CLN5: variants seen among roughly 807,000 people sequenced by gnomAD.
CLN5 encodes the protein bis(monoacylglycero)phosphate synthase CLN5.
In CLN5, 34 loss-of-function variants were observed where a neutral mutation model predicts 36.7. The observed-to-expected ratio is 0.93, with a 90% CI of 0.71 to 1.23. The LOEUF is 1.23. Among genes scored for constraint, CLN5 ranks in the 50% most tolerant of loss-of-function variants. The pLI is 0.00. For synonymous variants in CLN5, 151 were observed against 155.1 expected (o/e 0.97, Z 0.20); for missense variants, 427 against 439.4 (o/e 0.97, Z 0.25).
At chr13:76,993,763 G>A (rs1201592490) in intron 1 of CLN5, 3 of 152,160 alleles carry the variant, frequency 2.0e-5, no homozygotes, top group African/African-American at 2.4e-5. Flanking sequence ...TGGGAGCGTC[G>A]TTAATAGTTT....
At chr13:76,994,963 C>T in intron 1 of CLN5, 100 bp from the exon 2 acceptor site, 1 of 1,070,690 alleles carries the variant, frequency 9.3e-7, no homozygotes, top group South Asian at 1.4e-5. Context: ...ATGGTCCGAC[C>T]TTTGAATGGT....
At position 77,001,425 on chromosome 13, in the gene CLN5, T is replaced by G. The variant is rs1362123030; in HGVS notation, c.*456T>G. The G allele has an allele frequency of 3.2e-5, 5 of 158,270 alleles. No homozygotes were observed. The highest frequency in any genetic ancestry group is 4.8e-5 in the African/African-American group (2 of 41,496). 9.8% of individuals were successfully genotyped at this position (158,270 alleles called of 1,614,324 possible). A position where few individuals can be genotyped will look rare whatever the true frequency, so the allele number is the denominator to read the frequency against. On this transcript the variant is annotated 3_prime_UTR_variant, in exon 4 of 4. Coordinates refer to ENST00000377453, the MANE Select transcript of CLN5 (RefSeq NM_006493.4). ...AGACTAACTTTACAACTTCTATAAC[T>G]TTTGGAACCAAGTTTAGTATAGTCT...
At position 76,996,128 on chromosome 13, in the gene CLN5, G is replaced by A. The variant is rs1555274014; in HGVS notation, c.565+1G>A. On this transcript the variant is annotated splice_donor_variant, in intron 3 of 3. Coordinates refer to ENST00000377453, the MANE Select transcript of CLN5 (RefSeq NM_006493.4). LOFTEE classifies it high-confidence loss of function. ...TTAGTTCAAGTAGCAACTATATCAG[G>A]TAAGTTGTGAAAATATAGCAATATT... 1 of 1,609,478 alleles carries A rather than the reference G, an allele frequency of 6.2e-7. No individual in the cohort carries two copies. Among genetic ancestry groups the A allele is most frequent in the Non-Finnish European group, 8.5e-7 (1 of 1,175,814 alleles).
intron 1 of CLN5, chr13:76,993,773 T>A (rs548479913): frequency 2.6e-5 from 4 of 152,296 alleles, no homozygotes; most frequent in African/African-American, 9.6e-5. Context: ...GTTAATAGTT[T>A]CGATTAGCAT....
intron 1 of CLN5, chr13:76,992,544 A>T (rs953334575): frequency 7.6e-6 from 4 of 523,838 alleles, no homozygotes; most frequent in Admixed American, 7.6e-5. Flanking sequence ...GAAGAAAAGG[A>T]GAGTAATGTT....
In CLN5 at chr13:77,004,760, T is replaced by C. The variant is rs1354791060; in HGVS notation, c.*3791T>C. 2 of 152,250 alleles carry C rather than the reference T, an allele frequency of 1.3e-5. No individual in the cohort carries two copies. The highest frequency in any genetic ancestry group is 4.8e-5 in the African/African-American group (2 of 41,468). 9.4% of individuals were successfully genotyped at this position (152,250 alleles called of 1,614,324 possible). On this transcript the variant is annotated 3_prime_UTR_variant, in exon 4 of 4. Coordinates refer to ENST00000377453, the MANE Select transcript of CLN5 (RefSeq NM_006493.4). ...TGAACGTCTTCCTTTCAGCCTAAAG[T>C]TCTTAAAATGCACTAAATTGACTTA...
At chr13:76,995,509 G>C (rs1278347479) in intron 2 of CLN5, 1 of 508,006 alleles carries the variant, frequency 2.0e-6, no homozygotes, top group Non-Finnish European at 3.5e-6. Flanking sequence ...TGGCAGGGCA[G>C]GCAGGTAACA....
In CLN5 at chr13:77,001,016, T is replaced by G. The variant is rs770941135; in HGVS notation, c.*47T>G. Reference sequence around the variant, plus strand: ...TTTTTTCTCCAATCACCAGCATCTGTTTTTCAGGGGGTGATTTTACTTTTG... The same window carrying G: ...TTTTTTCTCCAATCACCAGCATCTGGTTTTCAGGGGGTGATTTTACTTTTG... On this transcript the variant is annotated 3_prime_UTR_variant, in exon 4 of 4. Coordinates refer to ENST00000377453, the MANE Select transcript of CLN5 (RefSeq NM_006493.4). 1.3e-6 allele frequency: 2 copies of G among 1,535,972 alleles called. No homozygotes were observed. The highest frequency in any genetic ancestry group is 2.3e-5 in the East Asian group (1 of 44,376).
At chr13:77,000,379 G>C in intron 3 of CLN5, 79 bp from the exon 4 acceptor site, 2 of 1,200,008 alleles carry the variant, frequency 1.7e-6, no homozygotes, top group Non-Finnish European at 2.3e-6. Flanking sequence ...AGGGAGACCT[G>C]TCTTAAAAAA....
At position 76,992,263 on chromosome 13, in the gene CLN5, G is replaced by A. The variant is rs755469935; in HGVS notation, c.165G>A (p.Val55=). The change falls in exon 1 of 4, where the codon GTG becomes GTA. Residue 55 remains valine (V), a synonymous_variant. Coordinates refer to ENST00000377453, the MANE Select transcript of CLN5 (RefSeq NM_006493.4). The part of the protein sequence containing the change: ...SGIPSRRHWP[V]PYKRFDFRPK... Reference sequence around the variant, plus strand: ...TCCCCTCCCGGCGCCACTGGCCGGTGCCCTACAAGTGAGTGCGGCGGCGCG... The same window carrying A: ...TCCCCTCCCGGCGCCACTGGCCGGTACCCTACAAGTGAGTGCGGCGGCGCG... 5.7e-6 allele frequency: 9 copies of A among 1,573,840 alleles called. No individual in the cohort carries two copies. Among genetic ancestry groups the A allele is most frequent in the Middle Eastern group, 4.5e-4 (2 of 4,416 alleles).
chr13:77,000,514 T>C lies in CLN5; in HGVS notation c.622T>C (p.Tyr208His), dbSNP rs775100164. The stretch of plus-strand genomic sequence containing the variant: ...GAAACAGGACAATGAAACAGGAATT[T>C]ATTATGAGACATGGAATGTAAAAGC... ...WVKQDNETGI[Y>H]YETWNVKASP... Residue 208 changes from tyrosine to histidine, a missense_variant, in exon 4 of 4, where the codon TAT (tyrosine) becomes CAT (histidine). Physicochemically the swap from Tyr to His is moderately conservative, Grantham distance 83. Transcript: ENST00000377453. 6.2e-7 allele frequency: 1 copy of C among 1,613,904 alleles called. No individual in the cohort carries two copies. The highest frequency in any genetic ancestry group is 1.1e-5 in the South Asian group (1 of 91,042).
chr13:77,003,991 C>CTAGG lies in CLN5; in HGVS notation c.*3023_*3026dup, dbSNP rs1410516273. On this transcript the variant is annotated 3_prime_UTR_variant, in exon 4 of 4. Transcript: ENST00000377453. ...TAAAATTTATACATTTTTAGTCTGA[C>CTAGG]TAGGGCTTTAGAGTGAATATATCTC... 6.6e-6 allele frequency: 1 copy of CTAGG among 152,198 alleles called. No homozygotes were observed. The highest frequency in any genetic ancestry group is 1.5e-5 in the Non-Finnish European group (1 of 68,032). 9.4% of individuals were successfully genotyped at this position (152,198 alleles called of 1,614,324 possible).
rs1312660272 is a variant in CLN5 at position 76,995,004 on chromosome 13, C to T, written c.174-59C>T. The T allele has an allele frequency of 2.1e-5, 32 of 1,515,180 alleles. No individual in the cohort carries two copies. The South Asian group carries it at 2.4e-4, about 12-fold the overall frequency. 93.9% of individuals were successfully genotyped at this position (1,515,180 alleles called of 1,614,324 possible). ...AAAAATGTTACTGGATTCTAAAAGA[C>T]GTGAGAAGAATCAGATTCATTTTAG... is the stretch of plus-strand genomic sequence containing the variant. On this transcript the variant is annotated intron_variant, in intron 1 of 3. Transcript: ENST00000377453.
chr13:76,992,319 G>C lies in CLN5; in HGVS notation c.173+48G>C, dbSNP rs374279871. On this transcript the variant is annotated intron_variant, in intron 1 of 3. Transcript: ENST00000377453. Reference sequence around the variant, plus strand: ...TGTCGGGGTTGGGGTCGGCGTTGACGATGGGGGATGGGGTGCTGGGGCGGG... The same window carrying C: ...TGTCGGGGTTGGGGTCGGCGTTGACCATGGGGGATGGGGTGCTGGGGCGGG... 6.3e-5 allele frequency: 82 copies of C among 1,296,298 alleles called. No individual in the cohort carries two copies. The African/African-American group carries it at 1.1e-3, about 17-fold the overall frequency. 80.3% of individuals were successfully genotyped at this position (1,296,298 alleles called of 1,614,324 possible).
chr13:77,000,741 T>C lies in CLN5; in HGVS notation c.849T>C (p.Thr283=). The C allele has an allele frequency of 1.4e-5, 23 of 1,614,134 alleles. No individual in the cohort carries two copies. Among genetic ancestry groups the C allele is most frequent in the Non-Finnish European group, 1.9e-5 (23 of 1,179,976 alleles). The change falls in exon 4 of 4, where the codon ACT becomes ACC. Residue 283 remains threonine, a synonymous_variant. Coordinates refer to ENST00000377453, the MANE Select transcript of CLN5 (RefSeq NM_006493.4). The part of the protein sequence containing the change: ...TSVFGPTGNK[T]LGLAIKRFYY... ...TTTTTGGGCCAACAGGAAACAAGAC[T>C]CTTGGTTTAGCCATAAAAAGATTTT...
intron 3 of CLN5, chr13:76,996,924 A>G (rs2034277360): frequency 6.6e-6 from 1 of 152,146 alleles, no homozygotes; most frequent in Admixed American, 6.6e-5. Context: ...AGCAGCAGAG[A>G]AGAAGTGTTC....
At position 76,996,029 on chromosome 13, in the gene CLN5, C is replaced by T. The variant is rs780802058; in HGVS notation, c.467C>T (p.Pro156Leu). 14 of 1,614,130 alleles carry T rather than the reference C, an allele frequency of 8.7e-6. No homozygotes were observed. The highest frequency in any genetic ancestry group is 1.1e-5 in the Non-Finnish European group (13 of 1,179,994). ...FPHLRPEMDA[P>L]FWCNQGAACF... ...CATCTCCGACCTGAAATGGATGCCCCTTTCTGGTGTAATCAAGGCGCTGCC... is the reference window on the plus strand; with the variant it reads ...CATCTCCGACCTGAAATGGATGCCCTTTTCTGGTGTAATCAAGGCGCTGCC... The change falls in exon 3 of 4, where the codon CCT (proline) becomes CTT (leucine). Residue 156 changes from proline (P) to leucine (L), a missense_variant. By Grantham distance (98) the Pro-to-Leu change is moderately conservative. Coordinates refer to ENST00000377453, the MANE Select transcript of CLN5 (RefSeq NM_006493.4).
Position 76,995,972 on chromosome 13 carries a change from A to T in CLN5, c.410A>T (p.Glu137Val). Residue 137 changes from glutamate (E) to valine (V), a missense_variant, in exon 3 of 4, where the codon GAA (glutamate) becomes GTA (valine). Physicochemically the swap from Glu to Val is moderately radical, Grantham distance 121 (BLOSUM62 -2). Transcript: ENST00000377453. ...TGKNYTMEWYELFQLGNCTFP... is the reference protein window; with the variant it reads ...TGKNYTMEWYVLFQLGNCTFP... ...AAGAACTACACAATGGAATGGTATG[A>T]ACTTTTCCAACTTGGCAACTGTACA... The T allele has an allele frequency of 3.1e-6, 5 of 1,614,246 alleles. No homozygotes were observed. Among genetic ancestry groups the T allele is most frequent in the Non-Finnish European group, 4.2e-6 (5 of 1,180,042 alleles).
Position 76,992,270 on chromosome 13 carries a change from A to T in CLN5, c.172A>T (p.Lys58Ter), listed in dbSNP as rs1280128886. The T allele has an allele frequency of 6.4e-7, 1 of 1,567,862 alleles. No individual in the cohort carries two copies. The highest frequency in any genetic ancestry group is 1.8e-5 in the Admixed American group (1 of 54,818). ...PSRRHWPVPY[K>*]RFDFRPKPDP... ...CCGGCGCCACTGGCCGGTGCCCTAC[A>T]AGTGAGTGCGGCGGCGCGCGCACTG... The change falls in exon 1 of 4, where the codon AAG becomes TAG. Residue 58 changes from lysine (K) to a stop codon, truncating the protein, a stop_gained and splice_region_variant. Transcript: ENST00000377453. LOFTEE classifies it high-confidence loss of function.
Sources: allele counts gnomAD v4.1 joint callset, GRCh38; gene constraint gnomAD v4.1.1; transcripts MANE v1.5; gene names NCBI Gene and HGNC (gene_info 2026-07-23, HGNC 2026-07-21).